HSF2BP: variants seen among roughly 807,000 people sequenced by gnomAD.
HSF2BP encodes heat shock factor 2-binding protein.
HSF2BP carries 35 observed loss-of-function variants against 35.0 expected under a neutral mutation model. The observed-to-expected ratio is 1.00, with a 90% CI of 0.76 to 1.32. HSF2BP has a LOEUF of 1.32. Among genes scored for constraint, HSF2BP ranks in the 40% most tolerant of loss-of-function variants. The pLI is 0.00. For synonymous variants in HSF2BP, 114 were observed against 117.4 expected (o/e 0.97, Z 0.18); for missense variants, 326 against 321.7 (o/e 1.01, Z -0.10).
intron 6 of HSF2BP, among the ~76,000 whole-genome samples, chr21:43,616,715 C>G (rs1007973238): frequency 6.6e-6 from 1 of 152,102 alleles, no homozygotes. Context: ...GGGCGGATCA[C>G]GCGGTCTGGA....
At chr21:43,631,092 C>T (rs2082450180) in intron 5 of HSF2BP, among the ~76,000 whole-genome samples, 1 of 152,156 alleles carries the variant, frequency 6.6e-6, no homozygotes. Context: ...GTTAATGCAA[C>T]TCTAAAAATT....
intron 6 of HSF2BP, among the ~76,000 whole-genome samples, chr21:43,623,412 C>A (rs927199409): frequency 6.6e-6 from 1 of 152,000 alleles, no homozygotes; most frequent in African/African-American, 2.4e-5. Flanking sequence ...TAGAAAAGAA[C>A]AAACTAAACT....
intron 7 of HSF2BP, among the ~76,000 whole-genome samples, chr21:43,599,424 T>C (rs1217553228): frequency 6.6e-6 from 1 of 152,216 alleles, no homozygotes; most frequent in Non-Finnish European, 1.5e-5. Context: ...TATTTGTAAA[T>C]AGTGTATCAA....
intron 4 of HSF2BP, among the ~76,000 whole-genome samples, chr21:43,638,356 G>A (rs778816481): frequency 2.0e-4 from 30 of 152,134 alleles, no homozygotes; most frequent in Non-Finnish European, 3.8e-4. Context: ...TACTCGTGAG[G>A]CTGAGGCAGG....
intron 6 of HSF2BP, among the ~76,000 whole-genome samples, chr21:43,623,197 T>TA (rs1315227870): frequency 6.6e-6 from 1 of 152,016 alleles, no homozygotes; most frequent in African/African-American, 2.4e-5. Flanking sequence ...TTAAACAACA[T>TA]ACACCTGAAC....
At position 43,620,362 on chromosome 21, in the gene HSF2BP, C is replaced by T. The variant is rs138087634; in HGVS notation, c.575-6415G>A. 7.2e-5 allele frequency among the ~76,000 whole-genome samples: 11 copies of T among 152,250 alleles called. No homozygotes were observed. The East Asian group carries it at 1.2e-3, about 16-fold the overall frequency. On this transcript the variant is annotated intron_variant, in intron 6 of 8. Coordinates refer to ENST00000291560, the MANE Select transcript of HSF2BP (RefSeq NM_007031.2). ...TCCAAGATAACATAGAAAAGTAATT[C>T]GGAAATTTGTCAGAGAAATTTAATA... is the stretch of plus-strand genomic sequence containing the variant.
chr21:43,467,508 G>A, the HSF2BP span, among the ~76,000 whole-genome samples: 1 of 128,892 alleles, frequency 7.8e-6, no homozygotes, highest in Non-Finnish European at 1.6e-5. Flanking sequence ...ACGGGTGAGG[G>A]TTCCAGCGCT....
chr21:43,656,385 T>C (rs964150776), intron 3 of HSF2BP, among the ~76,000 whole-genome samples: 1 of 152,262 alleles, frequency 6.6e-6, no homozygotes, highest in Non-Finnish European at 1.5e-5. Context: ...CTCAGAAAAC[T>C]GGCAACCAAC....
chr21:43,657,700 GC>G (rs2082893255), intron 2 of HSF2BP: 1 of 364,710 alleles, frequency 2.7e-6, no homozygotes, highest in Admixed American at 6.4e-5. Flanking sequence ...TTCTCTCTAA[GC>G]CTGACGCTAA....
At position 43,646,206 on chromosome 21, in the gene HSF2BP, C is replaced by T. The variant is rs938925873; in HGVS notation, c.188-1814G>A. Among the ~76,000 whole-genome samples, 48 of 151,366 alleles carry T rather than the reference C, an allele frequency of 3.2e-4. 1 individual carries two copies. Among genetic ancestry groups the T allele is most frequent in the African/African-American group, 1.0e-3 (43 of 41,260 alleles). ...GAGCAGAGTGCCTTTGGACTATTTC[C>T]TCTCCCTCAAATCACAGTTTCATTT... On this transcript the variant is annotated intron_variant, in intron 3 of 8. Coordinates refer to ENST00000291560, the MANE Select transcript of HSF2BP (RefSeq NM_007031.2).
At chr21:43,656,519 T>C in intron 3 of HSF2BP, 68 bp downstream of exon 3, 1 of 1,443,606 alleles carries the variant, frequency 6.9e-7, no homozygotes, top group Non-Finnish European at 9.5e-7. Context: ...TTACAATTAT[T>C]TACCTAGGGT....
chr21:43,643,147 A>G (rs796966754), intron 4 of HSF2BP, among the ~76,000 whole-genome samples: 3 of 152,372 alleles, frequency 2.0e-5, no homozygotes, highest in African/African-American at 7.2e-5. Context: ...TTTAAGAAAT[A>G]TTAGTTTCTC....
At chr21:43,611,120 C>T (rs188498591) in intron 7 of HSF2BP, among the ~76,000 whole-genome samples, 74 of 152,246 alleles carry the variant, frequency 4.9e-4, no homozygotes, top group African/African-American at 1.7e-3. Context: ...GTGGCATGCA[C>T]TGACGGTCCC....
chr21:43,592,612 ATTCAT>A (rs2081940691), intron 7 of HSF2BP, among the ~76,000 whole-genome samples: 1 of 152,168 alleles, frequency 6.6e-6, no homozygotes, highest in Non-Finnish European at 1.5e-5. Flanking sequence ...ATATTTATTG[ATTCAT>A]TTCTTTTATT....
At chr21:43,577,790 T>C (rs2081662516) in intron 8 of HSF2BP, among the ~76,000 whole-genome samples, 1 of 152,218 alleles carries the variant, frequency 6.6e-6, no homozygotes, top group Non-Finnish European at 1.5e-5. Flanking sequence ...CATTCCACCA[T>C]TGTGATCTGT....
chr21:43,625,991 G>A (rs1486009614), intron 6 of HSF2BP, among the ~76,000 whole-genome samples: 2 of 152,244 alleles, frequency 1.3e-5, no homozygotes, highest in South Asian at 2.1e-4. Context: ...CTTGCAAAGA[G>A]AAGAAAACGC....
intron 5 of HSF2BP, among the ~76,000 whole-genome samples, chr21:43,632,984 T>A (rs191223963): frequency 7.5e-4 from 114 of 152,276 alleles, no homozygotes; most frequent in Admixed American, 4.3e-3. Flanking sequence ...AGATAATATA[T>A]ATAAAAGCAC....
chr21:43,622,856 G>A (rs1173006505), intron 6 of HSF2BP, among the ~76,000 whole-genome samples: 1 of 152,030 alleles, frequency 6.6e-6, no homozygotes, highest in Non-Finnish European at 1.5e-5. Context: ...TCACCCAACT[G>A]TTACAGAATA....
intron 8 of HSF2BP, among the ~76,000 whole-genome samples, chr21:43,574,256 C>A (rs2081612106): frequency 6.6e-6 from 1 of 152,230 alleles, no homozygotes; most frequent in Non-Finnish European, 1.5e-5. Context: ...AGTTGCCATG[C>A]ACTGGCTGAC....
Sources: allele counts gnomAD v4.1 joint callset (sites outside exome capture counted in the v4.1 genomes callset), GRCh38; gene constraint gnomAD v4.1.1; transcripts MANE v1.5; gene names NCBI Gene and HGNC (gene_info 2026-07-23, HGNC 2026-07-21).